The following CTNND2 variants were observed in gnomAD, a reference collection of about 807,000 sequenced individuals.
CTNND2 encodes the protein catenin delta 2, also known as catenin delta-2.
A neutral mutation model predicts 144.4 loss-of-function variants in CTNND2; 22 were observed. That is an observed-to-expected ratio of 0.15 (90% confidence interval 0.11 to 0.22). CTNND2 has a LOEUF of 0.22. CTNND2 is among the 10% of genes least tolerant of loss of function. The pLI, the probability that CTNND2 is intolerant of heterozygous loss-of-function variation, is 1.00. For missense variants in CTNND2, 1,353 were observed against 1,618.8 expected (o/e 0.84, Z 2.82); for synonymous variants, 751 against 695.6 (o/e 1.08, Z -1.25).
chr5:11,208,455 G>A (rs1738282518), intron 10 of CTNND2, among the ~76,000 whole-genome samples: 1 of 152,004 alleles, frequency 6.6e-6, no homozygotes, highest in Admixed American at 6.5e-5. Context: ...AGAACAATAT[G>A]AAATGACCCC....
chr5:11,853,444 T>C (rs1795108718), intron 1 of CTNND2, among the ~76,000 whole-genome samples: 1 of 152,168 alleles, frequency 6.6e-6, no homozygotes. Context: ...CTCCTCTTTA[T>C]TTACATTCAC....
intron 3 of CTNND2, among the ~76,000 whole-genome samples, chr5:11,426,356 C>T (rs931521919): frequency 3.9e-5 from 6 of 152,180 alleles, no homozygotes; most frequent in African/African-American, 1.4e-4. Context: ...GCTTCACGGG[C>T]CTGAGACCTG....
chr5:11,848,296 T>C (rs1198469472), intron 1 of CTNND2, among the ~76,000 whole-genome samples: 3 of 152,184 alleles, frequency 2.0e-5, no homozygotes, highest in African/African-American at 4.8e-5. Context: ...ATTTTTATTA[T>C]AGTTAGGCAT....
intron 3 of CTNND2, among the ~76,000 whole-genome samples, chr5:11,444,234 G>A (rs1045810440): frequency 2.6e-5 from 4 of 152,082 alleles, no homozygotes; most frequent in South Asian, 2.1e-4. Flanking sequence ...TGGTGTCATC[G>A]GATCATTGTT....
At chr5:11,393,123 G>A (rs1187793774) in intron 6 of CTNND2, among the ~76,000 whole-genome samples, 3 of 152,058 alleles carry the variant, frequency 2.0e-5, no homozygotes, top group Non-Finnish European at 4.4e-5. Context: ...GCATTAATGA[G>A]GACTTTTAAG....
intron 15 of CTNND2, among the ~76,000 whole-genome samples, chr5:11,084,534 T>C (rs1749930942): frequency 6.6e-6 from 1 of 152,146 alleles, no homozygotes; most frequent in Non-Finnish European, 1.5e-5. Context: ...AACAATGACA[T>C]ATTGCAAAAG....
At chr5:11,333,973 C>A (rs1379930544) in intron 9 of CTNND2, among the ~76,000 whole-genome samples, 1 of 152,184 alleles carries the variant, frequency 6.6e-6, no homozygotes, top group African/African-American at 2.4e-5. Context: ...TCCTACCACA[C>A]ACTTTATTAC....
At chr5:11,101,174 G>T (rs1751841292) in intron 14 of CTNND2, among the ~76,000 whole-genome samples, 1 of 152,176 alleles carries the variant, frequency 6.6e-6, no homozygotes. Context: ...AAATGTATCT[G>T]CCAGACCTTT....
At chr5:11,693,483 G>C (rs1446377731) in intron 2 of CTNND2, among the ~76,000 whole-genome samples, 1 of 152,034 alleles carries the variant, frequency 6.6e-6, no homozygotes, top group Non-Finnish European at 1.5e-5. Flanking sequence ...GTTTTGTTTT[G>C]TTTTCTTTAA....
chr5:11,672,593 C>CAA (rs755785959), intron 2 of CTNND2, among the ~76,000 whole-genome samples: 1 of 152,160 alleles, frequency 6.6e-6, no homozygotes, highest in Non-Finnish European at 1.5e-5. Context: ...ATCACCCATT[C>CAA]AAGCCTCAGC....
intron 2 of CTNND2, among the ~76,000 whole-genome samples, chr5:11,631,230 AG>A (rs1781398678): frequency 6.6e-6 from 1 of 152,172 alleles, no homozygotes; most frequent in Non-Finnish European, 1.5e-5. Flanking sequence ...AAATATTGAA[AG>A]TTTTAAAGGA....
At chr5:11,269,911 C>T (rs1745820355) in intron 9 of CTNND2, among the ~76,000 whole-genome samples, 1 of 152,138 alleles carries the variant, frequency 6.6e-6, no homozygotes, top group Non-Finnish European at 1.5e-5. Flanking sequence ...ACGAAAAAAA[C>T]ACGGAGCCTT....
intron 19 of CTNND2, among the ~76,000 whole-genome samples, chr5:10,989,280 G>A (rs1208344944): frequency 6.6e-6 from 1 of 152,134 alleles, no homozygotes; most frequent in Non-Finnish European, 1.5e-5. Context: ...CTCCGCAGGA[G>A]CTCAGGTGCC....
intron 3 of CTNND2, among the ~76,000 whole-genome samples, chr5:11,503,523 T>G (rs1390515067): frequency 6.6e-6 from 1 of 152,228 alleles, no homozygotes; most frequent in Non-Finnish European, 1.5e-5. Context: ...TATGTGATAA[T>G]AAGCTTTAAT....
chr5:11,071,542 C>T (rs1748301071), intron 16 of CTNND2, among the ~76,000 whole-genome samples: 1 of 150,406 alleles, frequency 6.6e-6, no homozygotes, highest in Non-Finnish European at 1.5e-5. Flanking sequence ...AAAGTGAGAC[C>T]CTGTCTTCAA....
chr5:11,724,131 C>T (rs1053252310), intron 2 of CTNND2, among the ~76,000 whole-genome samples: 1 of 151,758 alleles, frequency 6.6e-6, no homozygotes, highest in Non-Finnish European at 1.5e-5. Flanking sequence ...ATTACTGAAA[C>T]GGTTCATTTA....
chr5:11,825,314 A>G (rs1793541940), intron 1 of CTNND2, among the ~76,000 whole-genome samples: 1 of 152,224 alleles, frequency 6.6e-6, no homozygotes, highest in Admixed American at 6.5e-5. Context: ...AAAACACAAC[A>G]ACAGAGCTGA....
chr5:11,723,477 T>A lies in CTNND2; in HGVS notation c.174+8659A>T, dbSNP rs573516699. 7.8e-4 allele frequency among the ~76,000 whole-genome samples: 118 copies of A among 152,144 alleles called. 1 individual carries two copies. The highest frequency in any genetic ancestry group is 1.9e-3 in the Admixed American group (29 of 15,282). The stretch of plus-strand genomic sequence containing the variant: ...GGAAGATCTAGACCCAATACAACCA[T>A]TAAAGTAAGGGAAAAAGCATATGAT... On this transcript the variant is annotated intron_variant, in intron 2 of 21. Coordinates refer to ENST00000304623, the MANE Select transcript of CTNND2 (RefSeq NM_001332.4).
intron 1 of CTNND2, among the ~76,000 whole-genome samples, chr5:11,819,305 G>T (rs1301886471): frequency 1.3e-5 from 2 of 151,940 alleles, no homozygotes; most frequent in Non-Finnish European, 2.9e-5. Context: ...GTGGTGGCGG[G>T]AGCCTGTAAT....
Sources: allele counts gnomAD v4.1 joint callset (sites outside exome capture counted in the v4.1 genomes callset), GRCh38; gene constraint gnomAD v4.1.1; transcripts MANE v1.5; gene names NCBI Gene and HGNC (gene_info 2026-07-23, HGNC 2026-07-21).